Variants in SP3 observed in about 807,000 individuals in gnomAD.
The protein encoded by SP3 is transcription factor Sp3.
A neutral mutation model predicts 70.3 loss-of-function variants in SP3; 10 were observed. That is an observed-to-expected ratio of 0.14 (90% CI 0.09 to 0.24). The LOEUF is 0.24. Among genes scored for constraint, SP3 ranks in the 10% least tolerant of loss-of-function variants. SP3 has a pLI of 1.00. For missense variants in SP3, 825 were observed against 914.6 expected (o/e 0.90, Z 1.26); for synonymous variants, 402 against 333.5 (o/e 1.21, Z -2.24).
At chr2:173,957,945 T>C (rs1378239996) in intron 3 of SP3, among the ~76,000 whole-genome samples, 1 of 152,274 alleles carries the variant, frequency 6.6e-6, no homozygotes, top group African/African-American at 2.4e-5. Context: ...GGTATAGAAA[T>C]TACAATGTTA....
intron 4 of SP3, among the ~76,000 whole-genome samples, chr2:173,948,384 T>C (rs963007824): frequency 6.6e-6 from 1 of 152,142 alleles, no homozygotes; most frequent in Admixed American, 6.5e-5. Flanking sequence ...ACCTGGGACA[T>C]GAATCATTCC....
At chr2:173,957,787 C>T (rs903881267) in intron 3 of SP3, among the ~76,000 whole-genome samples, 3 of 152,070 alleles carry the variant, frequency 2.0e-5, no homozygotes, top group Non-Finnish European at 2.9e-5. Flanking sequence ...AGACTAAAGG[C>T]TGAGAAATTG....
At position 173,906,789 on chromosome 2, in the gene SP3, T is replaced by C. The variant is rs1456819959; in HGVS notation, c.*3152A>G. 6.6e-6 allele frequency: 1 copy of C among 152,196 alleles called. No individual in the cohort carries two copies. The allele number at this position is 152,196 out of a possible 1,614,324, so 9.4% of individuals were successfully genotyped here. A position where few individuals can be genotyped will look rare whatever the true frequency, so the allele number is the denominator to read the frequency against. On this transcript the variant is annotated 3_prime_UTR_variant, in exon 7 of 7. Coordinates refer to ENST00000310015, the MANE Select transcript of SP3 (RefSeq NM_003111.5). The stretch of plus-strand genomic sequence containing the variant: ...ACGCAGGAGTGTTTAACAGAACCAC[T>C]TGAGCAGCTGTTTCAAAACACATAT...
chr2:173,926,836 G>A (rs1689924479), intron 4 of SP3, among the ~76,000 whole-genome samples: 1 of 152,086 alleles, frequency 6.6e-6, no homozygotes, highest in Non-Finnish European at 1.5e-5. Context: ...TGACAGAACA[G>A]ATTTGGTTAT....
At chr2:173,943,890 C>T (rs1690452037) in intron 4 of SP3, among the ~76,000 whole-genome samples, 1 of 152,188 alleles carries the variant, frequency 6.6e-6, no homozygotes, top group South Asian at 2.1e-4. Context: ...GTATAGTCTA[C>T]TACATATCTA....
chr2:173,938,459 CAAAAAA>C (rs747595137), intron 4 of SP3, among the ~76,000 whole-genome samples: 34 of 46,384 alleles, frequency 7.3e-4, no homozygotes, highest in African/African-American at 2.3e-3. Flanking sequence ...AACTTTGCCT[CAAAAAA>C]AAAAAAAAAA....
intron 5 of SP3, among the ~76,000 whole-genome samples, chr2:173,917,679 GACA>G (rs1290955388): frequency 6.6e-6 from 1 of 152,054 alleles, no homozygotes; most frequent in Non-Finnish European, 1.5e-5. Flanking sequence ...TTTTCACCAT[GACA>G]AGGGATTTGG....
Position 173,903,206 on chromosome 2 carries a change from CATAAT to C in SP3, c.*6730_*6734del, listed in dbSNP as rs894829713. Among the ~76,000 whole-genome samples the C allele has an allele frequency of 6.6e-6, 1 of 152,182 alleles. No homozygotes were observed. The highest frequency in any genetic ancestry group is 1.9e-4 in the East Asian group (1 of 5,202). The stretch of plus-strand genomic sequence containing the variant: ...CTTCCAGTGCTTACATTTACTAATA[CATAAT>C]ATAATATGTGCCAGGCATTATGGAA... On this transcript the variant is annotated 3_prime_UTR_variant, in exon 7 of 7. Coordinates refer to ENST00000310015, the MANE Select transcript of SP3 (RefSeq NM_003111.5).
At chr2:173,938,895 G>C (rs962098752) in intron 4 of SP3, among the ~76,000 whole-genome samples, 1 of 152,170 alleles carries the variant, frequency 6.6e-6, no homozygotes, top group Non-Finnish European at 1.5e-5. Flanking sequence ...GGGAGATGAA[G>C]AACTGTCCTC....
rs778416483 is a variant in SP3 at position 173,938,316 on chromosome 2, G to GCC, written c.1639+16556_1639+16557insGG. Among the ~76,000 whole-genome samples the GCC allele has an allele frequency of 3.3e-5, 5 of 152,020 alleles. No homozygotes were observed. In the East Asian group the frequency reaches 7.7e-4, roughly 24 times the overall value. ...TGCTAAATATACAAAAATTAGCCGG[G>GCC]CGTGGTGGTGGGCGCCTGTAATCCC... On this transcript the variant is annotated intron_variant, in intron 4 of 6. Transcript: ENST00000310015.
chr2:173,948,461 T>C (rs937102532), intron 4 of SP3, among the ~76,000 whole-genome samples: 2 of 152,136 alleles, frequency 1.3e-5, no homozygotes, highest in African/African-American at 4.8e-5. Context: ...ATAGTGTATA[T>C]AGGGTTTGGT....
intron 4 of SP3, among the ~76,000 whole-genome samples, chr2:173,952,208 T>C (rs1397863936): frequency 6.6e-6 from 1 of 152,040 alleles, no homozygotes; most frequent in African/African-American, 2.4e-5. Flanking sequence ...AAATAGCATC[T>C]AGTTCAGCTT....
chr2:173,943,270 C>A (rs1690430658), intron 4 of SP3, among the ~76,000 whole-genome samples: 1 of 152,154 alleles, frequency 6.6e-6, no homozygotes, highest in Non-Finnish European at 1.5e-5. Flanking sequence ...CTGACTGATT[C>A]CAATCTTATT....
At chr2:173,943,692 A>G (rs530695112) in intron 4 of SP3, among the ~76,000 whole-genome samples, 2 of 152,312 alleles carry the variant, frequency 1.3e-5, no homozygotes, top group South Asian at 4.1e-4. Flanking sequence ...ATTTGTCTTC[A>G]TCCACTAGAA....
rs775280631 is a variant in SP3 at position 173,901,385 on chromosome 2, T to C, written c.*8556A>G. On this transcript the variant is annotated 3_prime_UTR_variant, in exon 7 of 7. Transcript: ENST00000310015. The stretch of plus-strand genomic sequence containing the variant: ...AGAAAAGATACTATCAGCCTATATA[T>C]CTCTAAAATATATCTTATATATAAA... Among the ~76,000 whole-genome samples the C allele has an allele frequency of 6.6e-6, 1 of 151,924 alleles. No individual in the cohort carries two copies. The highest frequency in any genetic ancestry group is 1.9e-4 in the East Asian group (1 of 5,200).
rs1294778429 is a variant in SP3 at position 173,902,221 on chromosome 2, TTTC to T, written c.*7717_*7719del. On this transcript the variant is annotated 3_prime_UTR_variant, in exon 7 of 7. Coordinates refer to ENST00000310015, the MANE Select transcript of SP3 (RefSeq NM_003111.5). ...CTTAGTTTTTCAGGTCCCTTTTAAA[TTTC>T]TTACTTATACTTGCTTTTCTTCCAG... is the stretch of plus-strand genomic sequence containing the variant. Among the ~76,000 whole-genome samples, 2 of 152,220 alleles carry T rather than the reference TTTC, an allele frequency of 1.3e-5. No homozygotes were observed. Among genetic ancestry groups the T allele is most frequent in the Admixed American group, 1.3e-4 (2 of 15,284 alleles).
intron 3 of SP3, 113 bp downstream of exon 3, chr2:173,963,648 C>G: frequency 4.6e-6 from 1 of 215,416 alleles, no homozygotes; most frequent in Non-Finnish European, 8.0e-6. Flanking sequence ...CCCAGCGGCC[C>G]GTGCGGGTCG....
chr2:173,950,788 C>G (rs1690689241), intron 4 of SP3, among the ~76,000 whole-genome samples: 1 of 152,098 alleles, frequency 6.6e-6, no homozygotes, highest in African/African-American at 2.4e-5. Context: ...GAAAAAGCAT[C>G]TTAACATATC....
rs892924988 is a variant in SP3, at chr2:173,903,291, G to A, written c.*6650C>T. On this transcript the variant is annotated 3_prime_UTR_variant, in exon 7 of 7. Transcript: ENST00000310015. ...TCCATAATCACTCTATGAAGATGAC[G>A]CTAGCATCATTCTCATTTTATAGTT... 3.9e-5 allele frequency among the ~76,000 whole-genome samples: 6 copies of A among 152,296 alleles called. No homozygotes were observed. Among genetic ancestry groups the A allele is most frequent in the East Asian group, 1.9e-4 (1 of 5,186 alleles).
Sources: allele counts gnomAD v4.1 joint callset (sites outside exome capture counted in the v4.1 genomes callset), GRCh38; gene constraint gnomAD v4.1.1; transcripts MANE v1.5; gene names NCBI Gene and HGNC (gene_info 2026-07-23, HGNC 2026-07-21).